Variants in AFF1 observed in about 807,000 individuals in gnomAD.
The protein encoded by AFF1 is AF4/FMR2 family member 1.
AFF1 carries 48 observed loss-of-function variants against 121.7 expected under a neutral mutation model. The ratio of observed to expected loss-of-function variants is 0.39; its 90% confidence interval spans 0.31 to 0.50. AFF1 has a LOEUF of 0.50. AFF1 is among the 20% of genes least tolerant of loss of function. The pLI is 0.76. For synonymous variants in AFF1, 613 were observed against 563.0 expected (o/e 1.09, Z -1.26); for missense variants, 1,523 against 1,511.7 (o/e 1.01, Z -0.12).
chr4:86,953,072 T>C (rs372235548), intron 2 of AFF1, among the ~76,000 whole-genome samples: 4 of 152,108 alleles, frequency 2.6e-5, no homozygotes, highest in African/African-American at 9.6e-5. Flanking sequence ...TTTTTTGTTT[T>C]GCTAGTTATT....
intron 2 of AFF1, among the ~76,000 whole-genome samples, chr4:86,984,058 A>G (rs1408070190): frequency 6.6e-6 from 1 of 152,158 alleles, no homozygotes; most frequent in African/African-American, 2.4e-5. Context: ...AAAAGAAAAA[A>G]GAAATGCTTT....
At chr4:86,940,524 G>C (rs1040510568) in intron 1 of AFF1, among the ~76,000 whole-genome samples, 2 of 152,058 alleles carry the variant, frequency 1.3e-5, no homozygotes, top group Non-Finnish European at 2.9e-5. Context: ...TCAGCCACTC[G>C]AATAGCTGGG....
intron 4 of AFF1, among the ~76,000 whole-genome samples, chr4:87,064,288 A>G (rs939659084): frequency 6.6e-6 from 1 of 152,248 alleles, no homozygotes; most frequent in Non-Finnish European, 1.5e-5. Context: ...ACATATTTTC[A>G]TGGAATCTCT....
At chr4:87,073,589 G>T (rs1722351591) in intron 4 of AFF1, among the ~76,000 whole-genome samples, 1 of 152,124 alleles carries the variant, frequency 6.6e-6, no homozygotes, top group Admixed American at 6.5e-5. Context: ...GATTACTGCT[G>T]GAATAAGCCC....
chr4:87,057,047 A>G (rs1423546683), intron 4 of AFF1, among the ~76,000 whole-genome samples: 1 of 152,018 alleles, frequency 6.6e-6, no homozygotes, highest in Admixed American at 6.5e-5. Flanking sequence ...TAACCACAAC[A>G]CCTACATTAT....
Position 87,114,443 on chromosome 4 carries a change from A to C in AFF1, c.1610A>C (p.Glu537Ala), listed in dbSNP as rs1274675625. Reference protein sequence around the residue: ...TKVSQPAAPPEGPRSTEPPRR... With the variant: ...TKVSQPAAPPAGPRSTEPPRR... ...GTCAGCCAGCCAGCTGCGCCACCAG[A>C]GGGCCCCAGGAGCACAGAGCCCCCA... Residue 537 changes from glutamate to alanine, a missense_variant, in exon 12 of 21, where the codon GAG becomes GCG. Glu to Ala is a moderately radical substitution (Grantham distance 107). Around this residue, in one of 5 missense-constraint regions of AFF1, gnomAD observed 905 missense variants for 842.5 expected, o/e 1.07. Coordinates refer to ENST00000395146, the MANE Select transcript of AFF1 (RefSeq NM_001166693.3). 1.4e-5 allele frequency: 23 copies of C among 1,613,182 alleles called. No individual in the cohort carries two copies. The highest frequency in any genetic ancestry group is 1.9e-5 in the Non-Finnish European group (23 of 1,179,934).
In AFF1 at chr4:86,983,757, G is replaced by A. The variant is rs571400591; in HGVS notation, c.38+35186G>A. ...CAAAAAACAAATAAAATACTTTGTCGCCAGGCGCAGTGGCTCACGCTTGTA... is the reference window on the plus strand; with the variant it reads ...CAAAAAACAAATAAAATACTTTGTCACCAGGCGCAGTGGCTCACGCTTGTA... On this transcript the variant is annotated intron_variant, in intron 2 of 20. Transcript: ENST00000395146. Among the ~76,000 whole-genome samples the A allele has an allele frequency of 2.2e-3, 333 of 149,490 alleles. 1 individual carries two copies. Among genetic ancestry groups the A allele is most frequent in the African/African-American group, 7.8e-3 (318 of 40,656 alleles).
At chr4:87,000,433 T>A (rs896581996) in intron 2 of AFF1, among the ~76,000 whole-genome samples, 4 of 152,160 alleles carry the variant, frequency 2.6e-5, no homozygotes, top group Non-Finnish European at 2.9e-5. Flanking sequence ...CAAAACAAAG[T>A]CTAAAGTTTA....
rs566432608 is a variant in AFF1 at position 87,085,841 on chromosome 4, C to T, written c.1104+1677C>T. On this transcript the variant is annotated intron_variant, in intron 5 of 20. Coordinates refer to ENST00000395146, the MANE Select transcript of AFF1 (RefSeq NM_001166693.3). ...GCAATCTCCACCTCCTGGGTTCAAG[C>T]GATTCTTGTGCCTCAGCCACCCAAG... Among the ~76,000 whole-genome samples, 469 of 151,284 alleles carry T rather than the reference C, an allele frequency of 3.1e-3. 5 individuals are homozygous for T. The highest frequency in any genetic ancestry group is 0.014 in the Middle Eastern group (4 of 294).
chr4:87,045,593 G>A (rs1730605916), intron 2 of AFF1, among the ~76,000 whole-genome samples: 3 of 152,148 alleles, frequency 2.0e-5, no homozygotes, highest in Admixed American at 2.0e-4. Flanking sequence ...CGTTTGAAAT[G>A]AGAAATAAAA....
chr4:87,053,550 C>T (rs190479603), intron 4 of AFF1, among the ~76,000 whole-genome samples: 25 of 152,318 alleles, frequency 1.6e-4, no homozygotes, highest in African/African-American at 4.8e-4. Context: ...AACCTTCAGG[C>T]GGTTTACTTC....
chr4:87,112,631 T>G (rs187798868), intron 11 of AFF1, among the ~76,000 whole-genome samples: 24 of 152,332 alleles, frequency 1.6e-4, no homozygotes, highest in African/African-American at 5.3e-4. Context: ...ATTTCCATGT[T>G]TTATGGAGTT....
intron 2 of AFF1, among the ~76,000 whole-genome samples, chr4:86,969,577 T>TATAAA (rs1722777981): frequency 6.9e-6 from 1 of 145,700 alleles, no homozygotes; most frequent in African/African-American, 2.5e-5. Flanking sequence ...AAATAGTTGT[T>TATAAA]AAAAAAAAAA....
At chr4:86,985,728 GTTAC>G (rs1232969140) in intron 2 of AFF1, among the ~76,000 whole-genome samples, 1 of 151,770 alleles carries the variant, frequency 6.6e-6, no homozygotes, top group African/African-American at 2.4e-5. Context: ...AAATCCAGTA[GTTAC>G]TTTTGGAAAA....
chr4:87,017,219 C>T (rs1727393511), intron 2 of AFF1, among the ~76,000 whole-genome samples: 1 of 150,776 alleles, frequency 6.6e-6, no homozygotes, highest in Non-Finnish European at 1.5e-5. Context: ...ATATGCCTAG[C>T]CTAACTTTGA....
At position 87,007,205 on chromosome 4, in the gene AFF1, T is replaced by C; in HGVS notation, c.39-38961T>C. 2.1e-6 allele frequency: 3 copies of C among 1,427,006 alleles called. No homozygotes were observed. In the African/African-American group the frequency reaches 4.4e-5, roughly 21 times the overall value. The allele number at this position is 1,427,006 out of a possible 1,614,324, so 88.4% of individuals were successfully genotyped here. A position where few individuals can be genotyped will look rare whatever the true frequency, so the allele number is the denominator to read the frequency against. On this transcript the variant is annotated intron_variant, in intron 2 of 20. Coordinates refer to ENST00000395146, the MANE Select transcript of AFF1 (RefSeq NM_001166693.3). The stretch of plus-strand genomic sequence containing the variant: ...CCCAGTGCCCGGATGTCCATCAGGA[T>C]TAGCGCGAGCCAATACGGGCCGAGC...
At chr4:87,130,093 G>C (rs1021260015) in intron 16 of AFF1, among the ~76,000 whole-genome samples, 2 of 151,364 alleles carry the variant, frequency 1.3e-5, no homozygotes, top group Non-Finnish European at 2.9e-5. Context: ...TCCTGCCTCA[G>C]CCTCCCAAGT....
At chr4:87,104,452 T>C (rs1725711751) in intron 8 of AFF1, among the ~76,000 whole-genome samples, 1 of 152,222 alleles carries the variant, frequency 6.6e-6, no homozygotes, top group African/African-American at 2.4e-5. Flanking sequence ...GATCTACATT[T>C]ACAAGTTGCT....
rs1343163865 is a variant in AFF1 at position 86,991,918 on chromosome 4, A to G, written c.38+43347A>G. On this transcript the variant is annotated intron_variant, in intron 2 of 20. Coordinates refer to ENST00000395146, the MANE Select transcript of AFF1 (RefSeq NM_001166693.3). ...GTCCTATTTATTGAATTTTCTTTCAACCTTCAGACACTTCTCGAGAAAACC... is the reference window on the plus strand; with the variant it reads ...GTCCTATTTATTGAATTTTCTTTCAGCCTTCAGACACTTCTCGAGAAAACC... 4.7e-5 allele frequency among the ~76,000 whole-genome samples: 7 copies of G among 150,322 alleles called. No individual in the cohort carries two copies. In the Admixed American group the frequency reaches 4.7e-4, roughly 10 times the overall value.
Sources: allele counts gnomAD v4.1 joint callset (sites outside exome capture counted in the v4.1 genomes callset), GRCh38; gene constraint gnomAD v4.1.1; regional missense constraint gnomAD v4.1.1; transcripts MANE v1.5; gene names NCBI Gene and HGNC (gene_info 2026-07-23, HGNC 2026-07-21).